RBFOX1: variants seen among roughly 807,000 people sequenced by gnomAD.
RBFOX1 encodes the protein RNA binding fox-1 homolog 1.
Under a neutral mutation model 57.7 loss-of-function variants are expected in RBFOX1, and 8 were observed. The ratio of observed to expected loss-of-function variants is 0.14; its 90% CI spans 0.08 to 0.25. The LOEUF (loss-of-function observed/expected upper bound fraction) is 0.25, where lower values mean the gene tolerates loss of function less well. RBFOX1 is among the 10% of genes least tolerant of loss of function. The probability of loss-of-function intolerance (pLI) is 1.00; values close to 1 mark genes in which losing one functional copy is unlikely to be tolerated. For missense variants in RBFOX1, 611 were observed against 548.5 expected, an observed-to-expected ratio of 1.11 and a Z score of -1.14; for synonymous variants, 326 against 222.4, an observed-to-expected ratio of 1.47 and a Z score of -4.15.
intron 12 of RBFOX1, among the ~76,000 whole-genome samples, chr16:7,654,164 G>A (rs752386895): frequency 6.6e-6 from 1 of 152,312 alleles, no homozygotes; most frequent in East Asian, 1.9e-4. Flanking sequence ...GTGCCTTTAA[G>A]CATTCTACAT....
chr16:5,821,296 ATT>A (rs888699204), intron 3 of RBFOX1, among the ~76,000 whole-genome samples: 1 of 129,340 alleles, frequency 7.7e-6, no homozygotes, highest in Non-Finnish European at 1.6e-5. Flanking sequence ...CTCTTTTTTT[ATT>A]TTTTTTTTTT....
intron 4 of RBFOX1, among the ~76,000 whole-genome samples, chr16:7,164,311 C>G (rs528704166): frequency 7.9e-5 from 12 of 152,276 alleles, no homozygotes; most frequent in Admixed American, 6.5e-4. Context: ...CTTTTTATGG[C>G]TGAATAGTAT....
chr16:6,275,774 G>A (rs1179237730), intron 1 of RBFOX1, among the ~76,000 whole-genome samples: 2 of 152,158 alleles, frequency 1.3e-5, no homozygotes, highest in Non-Finnish European at 2.9e-5. Flanking sequence ...ATAGAAGAAA[G>A]TGATTATTTT....
intron 3 of RBFOX1, among the ~76,000 whole-genome samples, chr16:6,985,764 G>A (rs1338221167): frequency 3.4e-5 from 5 of 145,134 alleles, no homozygotes; most frequent in Admixed American, 2.1e-4. Context: ...AACCCAGGAG[G>A]CAGAGGTTGC....
chr16:6,482,998 G>A (rs1480844945), intron 2 of RBFOX1, among the ~76,000 whole-genome samples: 7 of 152,246 alleles, frequency 4.6e-5, no homozygotes, highest in Admixed American at 6.5e-5. Flanking sequence ...TTTAATGCCT[G>A]AAAGAACAAG....
chr16:7,292,346 A>G (rs1184030893), intron 4 of RBFOX1, among the ~76,000 whole-genome samples: 1 of 137,524 alleles, frequency 7.3e-6, no homozygotes, highest in Non-Finnish European at 1.5e-5. Context: ...TGATATATAT[A>G]ATATATAATG....
chr16:5,447,706 C>T (rs182142411), intron 1 of RBFOX1, among the ~76,000 whole-genome samples: 154 of 152,344 alleles, frequency 1.0e-3, no homozygotes, highest in African/African-American at 3.5e-3. Context: ...GCCATTCTCT[C>T]TTTCTAGACT....
intron 4 of RBFOX1, among the ~76,000 whole-genome samples, chr16:7,143,500 C>G (rs938093204): frequency 1.3e-5 from 2 of 152,080 alleles, no homozygotes; most frequent in Admixed American, 6.6e-5. Flanking sequence ...ATTCCCATAT[C>G]CTACCCCCGC....
chr16:5,375,895 G>A (rs1228650662), intron 1 of RBFOX1, among the ~76,000 whole-genome samples: 1 of 152,266 alleles, frequency 6.6e-6, no homozygotes, highest in Non-Finnish European at 1.5e-5. Flanking sequence ...GGCTGGGTGC[G>A]GTGGCTCATG....
chr16:7,444,900 T>C (rs554315168), intron 4 of RBFOX1, among the ~76,000 whole-genome samples: 1 of 152,322 alleles, frequency 6.6e-6, no homozygotes, highest in African/African-American at 2.4e-5. Flanking sequence ...AGACAGTTAC[T>C]ACGCGTAACA....
At chr16:5,734,588 T>G (rs1364831017) in intron 3 of RBFOX1, among the ~76,000 whole-genome samples, 1 of 152,144 alleles carries the variant, frequency 6.6e-6, no homozygotes, top group African/African-American at 2.4e-5. Flanking sequence ...TCCAATGAAT[T>G]GATCATCTTG....
chr16:5,971,763 A>T (rs1053241274), intron 4 of RBFOX1, among the ~76,000 whole-genome samples: 1 of 152,174 alleles, frequency 6.6e-6, no homozygotes, highest in Admixed American at 6.5e-5. Context: ...GGTTAATTTT[A>T]TGTGTCAAGC....
At chr16:6,813,132 C>T (rs552516762) in intron 3 of RBFOX1, among the ~76,000 whole-genome samples, 12 of 151,354 alleles carry the variant, frequency 7.9e-5, no homozygotes, top group East Asian at 5.9e-4. Context: ...CCTAAGTTTT[C>T]AGGCCTCACC....
upstream of RBFOX1, among the ~76,000 whole-genome samples, chr16:6,015,801 G>A: frequency 6.6e-6 from 1 of 152,182 alleles, no homozygotes. Flanking sequence ...TCTGGCTATA[G>A]GCTCCTGCTC....
chr16:6,618,407 A>G (rs1441471021), intron 2 of RBFOX1, among the ~76,000 whole-genome samples: 1 of 152,202 alleles, frequency 6.6e-6, no homozygotes, highest in Non-Finnish European at 1.5e-5. Flanking sequence ...CATTATTTAT[A>G]GAAGAAGACA....
chr16:6,390,169 C>T (rs190613080), intron 2 of RBFOX1, among the ~76,000 whole-genome samples: 4 of 152,276 alleles, frequency 2.6e-5, no homozygotes, highest in East Asian at 1.9e-4. Context: ...GCACTGTATG[C>T]GTGCATACAT....
At chr16:6,366,085 A>ACGTGTGTG (rs1307236635) in intron 2 of RBFOX1, among the ~76,000 whole-genome samples, 172 of 144,420 alleles carry the variant, frequency 1.2e-3, no homozygotes, top group African/African-American at 4.2e-3. Context: ...TGGCCATTCT[A>ACGTGTGTG]TGTGTGTGTG....
At chr16:6,961,952 C>G (rs550501774) in intron 3 of RBFOX1, among the ~76,000 whole-genome samples, 24 of 124,768 alleles carry the variant, frequency 1.9e-4, no homozygotes, top group East Asian at 2.4e-4. Context: ...GACCTTCTGT[C>G]TCATCCTGTG....
intron 1 of RBFOX1, among the ~76,000 whole-genome samples, chr16:5,277,316 G>A (rs187638599): frequency 7.2e-4 from 110 of 152,118 alleles, no homozygotes; most frequent in African/African-American, 2.6e-3. Context: ...GGAAGTGGGA[G>A]GGGGTGAGAG....
Sources: gnomAD v4.1 joint callset for allele counts (sites outside exome capture counted in the v4.1 genomes callset) on GRCh38, gnomAD v4.1.1 for gene constraint, MANE v1.5 for transcripts, NCBI Gene and HGNC (gene_info 2026-07-23, HGNC 2026-07-21) for gene names.